TMEM120A: variants seen among roughly 807,000 people sequenced by gnomAD.
TMEM120A encodes the protein ion channel TACAN.
Under a neutral mutation model 54.3 loss-of-function variants are expected in TMEM120A, and 45 were observed. That is an observed-to-expected ratio of 0.83 (90% CI 0.65 to 1.06). The LOEUF (loss-of-function observed/expected upper bound fraction) is 1.06. TMEM120A is among the 50% of genes least tolerant of loss of function. TMEM120A has a pLI of 0.00. For missense variants in TMEM120A, 424 were observed against 441.7 expected, an observed-to-expected ratio of 0.96 and a Z score of 0.36; for synonymous variants, 204 against 178.5, an observed-to-expected ratio of 1.14 and a Z score of -1.14.
chr7:75,991,491 C>T (rs539049117), intron 3 of TMEM120A, among the ~76,000 whole-genome samples: 2 of 152,246 alleles, frequency 1.3e-5, no homozygotes, highest in South Asian at 2.1e-4. Context: ...CTGCAGCCTC[C>T]GCCTCCCGGG....
Position 75,987,229 on chromosome 7 carries a change from G to T in TMEM120A, c.975C>A (p.Thr325=). ...LLLFLGNFFT[T]LRVVHHKFHS... ...GAAACTTGTGGTGCACAACCCTCAG[G>T]GTGGTGAAGAAATTGCCGAGGAAAA... The change falls in exon 12 of 12, where the codon ACC becomes ACA. Residue 325 remains threonine, a synonymous_variant. Coordinates refer to ENST00000493111, the MANE Select transcript of TMEM120A (RefSeq NM_031925.3). 6.2e-7 allele frequency: 1 copy of T among 1,609,164 alleles called. No homozygotes were observed. The highest frequency in any genetic ancestry group is 8.5e-7 in the Non-Finnish European group (1 of 1,178,372).
chr7:75,991,785 TCCTC>T (rs1789853186), intron 3 of TMEM120A, among the ~76,000 whole-genome samples: 1 of 152,012 alleles, frequency 6.6e-6, no homozygotes, highest in South Asian at 2.1e-4. Context: ...GTTCAAGTGA[TCCTC>T]CCACCTCCAT....
In TMEM120A at chr7:75,989,110, A is replaced by AAG. The variant is rs1789726060; in HGVS notation, c.377+54_377+55insCT. ...TGGAGGTTGAGGGGGGGAGGGGGGT[A>AAG]GGGGGCTAGGGGTGGAGGGGTGGAG... On this transcript the variant is annotated intron_variant, in intron 4 of 11. Transcript: ENST00000493111. 1.6e-4 allele frequency: 52 copies of AAG among 328,608 alleles called. 9 individuals carry two copies. Among genetic ancestry groups the AAG allele is most frequent in the South Asian group, 1.4e-3 (48 of 35,232 alleles). 20.4% of individuals were successfully genotyped at this position (328,608 alleles called of 1,614,324 possible). A position where few individuals can be genotyped will look rare whatever the true frequency, so the allele number is the denominator to read the frequency against.
At chr7:75,988,591 T>C in intron 4 of TMEM120A, 75 bp from the exon 5 acceptor site, 1 of 965,234 alleles carries the variant, frequency 1.0e-6, no homozygotes, top group South Asian at 1.3e-5. Context: ...GGAGGGCAGC[T>C]GAGCCAAGGG....
intron 3 of TMEM120A, 109 bp from the exon 4 acceptor site, chr7:75,989,333 C>A (rs1417923569): frequency 1.7e-5 from 13 of 743,322 alleles, no homozygotes; most frequent in Non-Finnish European, 2.8e-5. Context: ...ACCCCCTCAC[C>A]CGCTGCTTTC....
At chr7:75,987,849 C>A in intron 8 of TMEM120A, 39 bp from the exon 9 acceptor site, 1 of 1,602,938 alleles carries the variant, frequency 6.2e-7, no homozygotes, top group East Asian at 2.3e-5. Flanking sequence ...GGCTGAGCCC[C>A]GGGAGGGGTT....
intron 2 of TMEM120A, 22 bp downstream of exon 2, chr7:75,992,417 G>A (rs376110611): frequency 4.7e-5 from 74 of 1,582,138 alleles, no homozygotes; most frequent in African/African-American, 4.2e-4. Flanking sequence ...TGCCCATGGC[G>A]GGTGGGGTAG....
intron 1 of TMEM120A, 104 bp downstream of exon 1, chr7:75,994,386 C>G: frequency 9.2e-7 from 1 of 1,084,036 alleles, no homozygotes. Flanking sequence ...GCCCCGACCC[C>G]TGACCCTTAG....
In TMEM120A at chr7:75,988,524, G is replaced by C. The variant is rs1232374483; in HGVS notation, c.378-8C>G. ...TCGTCCTTGTAGGCAAACCTGGGGGGCGCAGGCCGGTGAGACGGGTGGGGT... is the reference window on the plus strand; with the variant it reads ...TCGTCCTTGTAGGCAAACCTGGGGGCCGCAGGCCGGTGAGACGGGTGGGGT... On this transcript the variant is annotated splice_polypyrimidine_tract_variant and splice_region_variant and intron_variant, in intron 4 of 11. Coordinates refer to ENST00000493111, the MANE Select transcript of TMEM120A (RefSeq NM_031925.3). 1.2e-6 allele frequency: 2 copies of C among 1,600,046 alleles called. No individual in the cohort carries two copies. Among genetic ancestry groups the C allele is most frequent in the Non-Finnish European group, 1.7e-6 (2 of 1,175,032 alleles).
chr7:75,987,227 A>G lies in TMEM120A; in HGVS notation c.977T>C (p.Leu326Pro), dbSNP rs533537659. The change falls in exon 12 of 12, where the codon CTG (leucine) becomes CCG (proline). Residue 326 changes from leucine (L) to proline (P), a missense_variant. Coordinates refer to ENST00000493111, the MANE Select transcript of TMEM120A (RefSeq NM_031925.3). ...GTGAAACTTGTGGTGCACAACCCTC[A>G]GGGTGGTGAAGAAATTGCCGAGGAA... ...LLFLGNFFTT[L>P]RVVHHKFHSQ... The G allele has an allele frequency of 1.2e-6, 2 of 1,608,998 alleles. No individual in the cohort carries two copies. Among genetic ancestry groups the G allele is most frequent in the Admixed American group, 1.7e-5 (1 of 59,468 alleles).
chr7:75,993,086 G>GC (rs1468640327), intron 1 of TMEM120A, among the ~76,000 whole-genome samples: 21 of 152,176 alleles, frequency 1.4e-4, no homozygotes, highest in African/African-American at 4.8e-4. Context: ...ACAGGCATAA[G>GC]CCACCGCACC....
Position 75,989,238 on chromosome 7 carries a change from T to C in TMEM120A, c.318-14A>G. ...CTCAGGTACAATCTAGGGAAGGGGG[T>C]GGCGGGGTGAGGAGAAGCCCGAGTG... On this transcript the variant is annotated splice_polypyrimidine_tract_variant and intron_variant, in intron 3 of 11. Coordinates refer to ENST00000493111, the MANE Select transcript of TMEM120A (RefSeq NM_031925.3). 2 of 1,511,408 alleles carry C rather than the reference T, an allele frequency of 1.3e-6. No homozygotes were observed. Among genetic ancestry groups the C allele is most frequent in the Non-Finnish European group, 1.8e-6 (2 of 1,121,348 alleles). 93.6% of individuals were successfully genotyped at this position (1,511,408 alleles called of 1,614,324 possible).
intron 9 of TMEM120A, 36 bp from the exon 10 acceptor site, chr7:75,987,638 G>A (rs782383045): frequency 6.2e-7 from 1 of 1,604,592 alleles, no homozygotes; most frequent in Non-Finnish European, 8.5e-7. Context: ...GGACGGCCAG[G>A]GACAGAGGGG....
chr7:75,989,068 A>ACGGGTGG (rs1554561193), intron 4 of TMEM120A, 97 bp downstream of exon 4: 1 of 190,170 alleles, frequency 5.3e-6, no homozygotes, highest in Non-Finnish European at 1.0e-5. Context: ...GTTCCGGGGG[A>ACGGGTGG]AGGCTGGGTG....
In TMEM120A at chr7:75,992,509, G is replaced by C. The variant is rs4732519; in HGVS notation, c.130C>G (p.Gln44Glu). The change falls in exon 2 of 12, where the codon CAG (glutamine) becomes GAG (glutamate). Residue 44 changes from glutamine to glutamate, a missense_variant. By Grantham distance (29) the Gln-to-Glu change is conservative. Coordinates refer to ENST00000493111, the MANE Select transcript of TMEM120A (RefSeq NM_031925.3). ...RLKLEELTKL[Q>E]NNCTSSITRQ... ...GTGATGGAGCTGGTGCAATTGTTCT[G>C]AAGTTTGGTCAGCTCCTCCAGCTTC... 3.8e-6 allele frequency: 6 copies of C among 1,594,060 alleles called. No individual in the cohort carries two copies. The African/African-American group carries it at 4.0e-5, about 11-fold the overall frequency.
At chr7:75,988,048 C>T (rs148700984) in intron 7 of TMEM120A, 35 bp downstream of exon 7, 2 of 1,598,092 alleles carry the variant, frequency 1.3e-6, no homozygotes, top group East Asian at 2.3e-5. Context: ...CCTCCTTGTC[C>T]CAGCTCCTGC....
At chr7:75,991,994 G>A (rs1276678605) in intron 3 of TMEM120A, 150 bp downstream of exon 3, 2 of 548,800 alleles carry the variant, frequency 3.6e-6, no homozygotes, top group Non-Finnish European at 6.4e-6. Flanking sequence ...CTCTCAGCCA[G>A]GTGTCTCCCC....
chr7:75,994,296 G>A (rs1336993150), intron 1 of TMEM120A, among the ~76,000 whole-genome samples, 194 bp downstream of exon 1: 1 of 152,144 alleles, frequency 6.6e-6, no homozygotes, highest in Non-Finnish European at 1.5e-5. Flanking sequence ...ATGGGGTCCC[G>A]CCGGGGTTCC....
chr7:75,992,656 AG>A (rs1208400980), intron 1 of TMEM120A, 99 bp from the exon 2 acceptor site: 2 of 861,328 alleles, frequency 2.3e-6, no homozygotes, highest in Admixed American at 4.8e-5. Context: ...GGCTGCTGGG[AG>A]GGTTTCGCTC....
Sources: gnomAD v4.1 joint callset for allele counts (sites outside exome capture counted in the v4.1 genomes callset) on GRCh38, gnomAD v4.1.1 for gene constraint, MANE v1.5 for transcripts, NCBI Gene and HGNC (gene_info 2026-07-23, HGNC 2026-07-21) for gene names.